The following CCDC93 variants were observed in gnomAD, a reference collection of about 807,000 sequenced individuals.
The protein encoded by CCDC93 is CCC complex scaffolding subunit CCDC93.
In CCDC93, 61 loss-of-function variants were observed where a neutral mutation model predicts 108.2. That is an observed-to-expected ratio of 0.56 (90% CI 0.46 to 0.70). CCDC93 has a LOEUF of 0.70. CCDC93 is among the 30% of genes least tolerant of loss of function. The probability of loss-of-function intolerance (pLI) is 0.00; values close to 1 mark genes in which losing one functional copy is unlikely to be tolerated. For synonymous variants in CCDC93, 276 were observed against 260.4 expected, an observed-to-expected ratio of 1.06 and a Z score of -0.58; for missense variants, 685 against 764.2, an observed-to-expected ratio of 0.90 and a Z score of 1.22.
chr2:117,947,405 C>T (rs1394424697), intron 15 of CCDC93, among the ~76,000 whole-genome samples: 2 of 152,136 alleles, frequency 1.3e-5, no homozygotes, highest in South Asian at 2.1e-4. Context: ...TGCCAGAACA[C>T]GCATCACCCC....
intron 6 of CCDC93, among the ~76,000 whole-genome samples, chr2:117,992,875 G>A (rs1216333918): frequency 6.7e-6 from 1 of 150,344 alleles, no homozygotes; most frequent in African/African-American, 2.4e-5. Context: ...AGCAGAAGTG[G>A]ATTAAAAAAA....
Position 117,920,407 on chromosome 2 carries a change from A to G in CCDC93, c.1843-11T>C. On this transcript the variant is annotated splice_polypyrimidine_tract_variant and intron_variant, in intron 23 of 23. Coordinates refer to ENST00000376300, the MANE Select transcript of CCDC93 (RefSeq NM_019044.5). ...GTTCTTGCGGCCCTCCTGGAGGGAA[A>G]GCAGAGAGTATAGAGAGAGTGGTGA... 6.2e-7 allele frequency: 1 copy of G among 1,608,988 alleles called. No individual in the cohort carries two copies. The highest frequency in any genetic ancestry group is 1.7e-4 in the Middle Eastern group (1 of 6,044).
At chr2:117,977,926 TAGTC>T (rs141349995) in intron 8 of CCDC93, 64 bp downstream of exon 8, 103,026 of 1,422,730 alleles carry the variant, frequency 0.072, 4,153 homozygotes, top group Non-Finnish European at 0.083. Context: ...TTGTGAGTGT[TAGTC>T]AGAGGTGAAG....
At chr2:118,003,339 C>T (rs1275411047) in intron 3 of CCDC93, among the ~76,000 whole-genome samples, 1 of 152,128 alleles carries the variant, frequency 6.6e-6, no homozygotes, top group Non-Finnish European at 1.5e-5. Context: ...ATTTAATTTC[C>T]TTGAAACTTG....
intron 12 of CCDC93, among the ~76,000 whole-genome samples, chr2:117,952,903 A>T (rs1056549280): frequency 2.6e-5 from 4 of 152,222 alleles, no homozygotes; most frequent in African/African-American, 9.6e-5. Flanking sequence ...CTGGTTGGCA[A>T]ATGATGACAC....
At chr2:117,998,844 T>C (rs1680748292) in intron 4 of CCDC93, 1 of 152,174 alleles carries the variant, frequency 6.6e-6, no homozygotes, top group Admixed American at 6.5e-5. Context: ...CAACTTCCTA[T>C]TTTCATAAAA....
At position 117,977,413 on chromosome 2, in the gene CCDC93, C is replaced by T. The variant is rs193027997; in HGVS notation, c.657+581G>A. Among the ~76,000 whole-genome samples the T allele has an allele frequency of 1.0e-3, 152 of 152,328 alleles. 1 individual carries two copies. Among genetic ancestry groups the T allele is most frequent in the Non-Finnish European group, 1.8e-3 (121 of 68,030 alleles). ...GTTCAAGGCAGTAAGTGAAAACATACAGAGCCCTTAACATACAGCCTGGAA... is the reference window on the plus strand; with the variant it reads ...GTTCAAGGCAGTAAGTGAAAACATATAGAGCCCTTAACATACAGCCTGGAA... On this transcript the variant is annotated intron_variant, in intron 8 of 23. Coordinates refer to ENST00000376300, the MANE Select transcript of CCDC93 (RefSeq NM_019044.5).
intron 6 of CCDC93, 81 bp from the exon 7 acceptor site, chr2:117,986,150 G>T: frequency 1.6e-6 from 1 of 621,534 alleles, no homozygotes; most frequent in Non-Finnish European, 2.8e-6. Flanking sequence ...CCAGCCATGG[G>T]GTATATTCTC....
At chr2:117,975,998 C>T (rs1408491770) in intron 8 of CCDC93, among the ~76,000 whole-genome samples, 1 of 152,160 alleles carries the variant, frequency 6.6e-6, no homozygotes, top group Admixed American at 6.5e-5. Flanking sequence ...CTATCCCTGC[C>T]ATCCACCAGC....
Position 117,935,504 on chromosome 2 carries a change from A to C in CCDC93, c.1719T>G (p.Ser573Arg), listed in dbSNP as rs776901223. The C allele has an allele frequency of 1.2e-6, 2 of 1,612,828 alleles. No individual in the cohort carries two copies. Among genetic ancestry groups the C allele is most frequent in the East Asian group, 2.2e-5 (1 of 44,848 alleles). The change falls in exon 22 of 24, where the codon AGT becomes AGG. Residue 573 changes from serine to arginine, a missense_variant. Physicochemically the swap from Ser to Arg is moderately radical, Grantham distance 110. Coordinates refer to ENST00000376300, the MANE Select transcript of CCDC93 (RefSeq NM_019044.5). ...AAAGAAGCCATCTGACCTTCATTCTACTTTGCTTAATTCCTTCCACAATCT... is the reference window on the plus strand; with the variant it reads ...AAAGAAGCCATCTGACCTTCATTCTCCTTTGCTTAATTCCTTCCACAATCT... The part of the protein sequence containing the change: ...MEQIVEGIKQ[S>R]RMKMEKKKQE...
chr2:117,994,427 T>C (rs1285594408), intron 6 of CCDC93, among the ~76,000 whole-genome samples: 2 of 152,212 alleles, frequency 1.3e-5, no homozygotes, highest in South Asian at 2.1e-4. Flanking sequence ...CAAAATGGAA[T>C]TGAGAAAAAA....
At position 118,014,067 on chromosome 2, in the gene CCDC93, A is replaced by C. The variant is rs1367042566; in HGVS notation, c.-72T>G. The C allele has an allele frequency of 6.4e-7, 1 of 1,559,116 alleles. No homozygotes were observed. Among genetic ancestry groups the C allele is most frequent in the African/African-American group, 1.4e-5 (1 of 73,486 alleles). ...CCGGAGGAAGCTGTCCCTGCCGCGG[A>C]GCTGCTACCGGGGTGGAGTACAAAG... On this transcript the variant is annotated 5_prime_UTR_variant, in exon 1 of 24. Coordinates refer to ENST00000376300, the MANE Select transcript of CCDC93 (RefSeq NM_019044.5).
chr2:117,954,676 C>T (rs1045489319), intron 12 of CCDC93, among the ~76,000 whole-genome samples: 3 of 152,208 alleles, frequency 2.0e-5, no homozygotes, highest in Admixed American at 6.5e-5. Flanking sequence ...GTACTCCATT[C>T]TATTCCTTTG....
At chr2:117,986,904 A>G (rs1034831504) in intron 6 of CCDC93, among the ~76,000 whole-genome samples, 12 of 152,116 alleles carry the variant, frequency 7.9e-5, no homozygotes, top group Admixed American at 7.9e-4. Flanking sequence ...ATCAACCTAC[A>G]TGGTGTCAGT....
At chr2:117,956,891 A>T (rs1679236352) in intron 12 of CCDC93, among the ~76,000 whole-genome samples, 1 of 142,922 alleles carries the variant, frequency 7.0e-6, no homozygotes, top group African/African-American at 2.6e-5. Flanking sequence ...ACTGGTACCC[A>T]TTTTTTTTTT....
At chr2:117,923,215 ATT>A (rs1272524639) in intron 23 of CCDC93, among the ~76,000 whole-genome samples, 2 of 152,152 alleles carry the variant, frequency 1.3e-5, no homozygotes, top group East Asian at 3.9e-4. Flanking sequence ...TGATGTCTGC[ATT>A]TCCAACTGAG....
At chr2:117,967,720 T>C (rs949095852) in intron 11 of CCDC93, among the ~76,000 whole-genome samples, 1 of 152,186 alleles carries the variant, frequency 6.6e-6, no homozygotes, top group African/African-American at 2.4e-5. Context: ...TCTCGTTTCT[T>C]TGCCTGCAAA....
chr2:117,986,160 CTTTTT>C (rs763304100), intron 6 of CCDC93, 91 bp from the exon 7 acceptor site: 227 of 276,254 alleles, frequency 8.2e-4, no homozygotes, highest in Non-Finnish European at 9.9e-4. Context: ...GGTATATTCT[CTTTTT>C]TTTTTTTTTT....
intron 11 of CCDC93, among the ~76,000 whole-genome samples, chr2:117,960,163 G>C (rs879866696): frequency 6.6e-5 from 10 of 152,168 alleles, no homozygotes; most frequent in Non-Finnish European, 1.5e-4. Context: ...AGTGTCATAA[G>C]CATATTCTCA....
Sources: gnomAD v4.1 joint callset for allele counts (sites outside exome capture counted in the v4.1 genomes callset) on GRCh38, gnomAD v4.1.1 for gene constraint, MANE v1.5 for transcripts, NCBI Gene and HGNC (gene_info 2026-07-23, HGNC 2026-07-21) for gene names.